Variants in CACNA1E observed in about 807,000 individuals in gnomAD.
CACNA1E encodes voltage-dependent R-type calcium channel subunit alpha-1E.
A neutral mutation model predicts 259.2 loss-of-function variants in CACNA1E; 40 were observed. That is an observed-to-expected ratio of 0.15 (90% confidence interval 0.12 to 0.20). CACNA1E has a LOEUF of 0.20. Ranked by LOEUF, CACNA1E falls within the 10% of genes least tolerant of loss-of-function variation. The pLI, the probability that CACNA1E is intolerant of heterozygous loss-of-function variation, is 1.00. For synonymous variants in CACNA1E, 1,104 were observed against 1,138.5 expected (o/e 0.97, Z 0.61); for missense variants, 1,874 against 3,040.1 (o/e 0.62, Z 9.02).
chr1:181,478,522 A>T (rs1424550587), upstream of CACNA1E, among the ~76,000 whole-genome samples: 2 of 152,220 alleles, frequency 1.3e-5, no homozygotes, highest in Non-Finnish European at 2.9e-5. Flanking sequence ...TCTCTGCATT[A>T]TGTTCCTTAG....
At chr1:181,748,838 A>G (rs1283014100) in intron 25 of CACNA1E, among the ~76,000 whole-genome samples, 2 of 152,188 alleles carry the variant, frequency 1.3e-5, no homozygotes, top group African/African-American at 4.8e-5. Context: ...TCATTTGTTC[A>G]CAACTGTATA....
At chr1:181,540,301 G>A (rs1409198241) in intron 3 of CACNA1E, among the ~76,000 whole-genome samples, 1 of 152,096 alleles carries the variant, frequency 6.6e-6, no homozygotes, top group Non-Finnish European at 1.5e-5. Context: ...ATTCCCCTGT[G>A]TTTACTACCC....
intron 1 of CACNA1E, among the ~76,000 whole-genome samples, chr1:181,408,090 G>T (rs1266470167): frequency 5.3e-5 from 8 of 152,198 alleles, no homozygotes; most frequent in Non-Finnish European, 1.0e-4. Context: ...TAGCCAATGT[G>T]CTTGGTGGTC....
chr1:181,617,387 A>G (rs1244991689), intron 6 of CACNA1E, among the ~76,000 whole-genome samples: 14 of 152,152 alleles, frequency 9.2e-5, no homozygotes. Context: ...GCCAGAAAAT[A>G]TTGAATGAAC....
intron 30 of CACNA1E, among the ~76,000 whole-genome samples, 155 bp from the exon 31 acceptor site, chr1:181,757,792 G>A (rs1298785948): frequency 3.3e-5 from 5 of 152,112 alleles, no homozygotes; most frequent in African/African-American, 9.7e-5. Flanking sequence ...CGCCTTGTCT[G>A]TAGTTTTGTC....
chr1:181,559,171 T>A (rs768588060), intron 3 of CACNA1E, among the ~76,000 whole-genome samples: 1 of 152,172 alleles, frequency 6.6e-6, no homozygotes, highest in Non-Finnish European at 1.5e-5. Context: ...TGGGAAAGGT[T>A]TGGGCTGTTA....
intron 6 of CACNA1E, among the ~76,000 whole-genome samples, chr1:181,588,586 C>G (rs547868125): frequency 4.6e-5 from 7 of 152,318 alleles, no homozygotes; most frequent in Non-Finnish European, 8.8e-5. Context: ...GGGATTTATT[C>G]CAAATGTGCT....
rs150264377 is a variant in CACNA1E, at chr1:181,498,757, G to A, written c.267-11720G>A. Reference sequence around the variant, plus strand: ...AGAGCAGAGCCTAGAACCCAGGGCCGCGACCAAGTGCCAGCATCCTTTTGT... The same window carrying A: ...AGAGCAGAGCCTAGAACCCAGGGCCACGACCAAGTGCCAGCATCCTTTTGT... On this transcript the variant is annotated intron_variant, in intron 1 of 47. Transcript: ENST00000367573. 1.5e-3 allele frequency among the ~76,000 whole-genome samples: 235 copies of A among 152,240 alleles called. 1 individual carries two copies. The highest frequency in any genetic ancestry group is 4.5e-3 in the African/African-American group (185 of 41,536).
At chr1:181,330,774 C>T (rs1030492067) in intron 1 of CACNA1E, among the ~76,000 whole-genome samples, 27 of 152,200 alleles carry the variant, frequency 1.8e-4, no homozygotes, top group African/African-American at 6.5e-4. Context: ...CTAGCTCTCC[C>T]AATTATTAGC....
intron 43 of CACNA1E, among the ~76,000 whole-genome samples, chr1:181,787,144 G>T (rs193208495): frequency 7.9e-5 from 12 of 152,136 alleles, no homozygotes; most frequent in Middle Eastern, 3.4e-3. Context: ...TTTTGAGACG[G>T]AGTCTCGCTC....
intron 6 of CACNA1E, among the ~76,000 whole-genome samples, chr1:181,599,819 T>C (rs1653562263): frequency 6.6e-6 from 1 of 152,244 alleles, no homozygotes; most frequent in Middle Eastern, 3.2e-3. Flanking sequence ...GAGGCAAATT[T>C]GTTGGTATTT....
rs192083378 is a variant in CACNA1E at position 181,747,674 on chromosome 1, G to A, written c.3720-2802G>A. Reference sequence around the variant, plus strand: ...AATATCTGATTATAATTTAGTATCAGAGACTAGCAAAGTGTTATCAAACAG... The same window carrying A: ...AATATCTGATTATAATTTAGTATCAAAGACTAGCAAAGTGTTATCAAACAG... On this transcript the variant is annotated intron_variant, in intron 25 of 47. Transcript: ENST00000367573. Among the ~76,000 whole-genome samples, 5 of 152,278 alleles carry A rather than the reference G, an allele frequency of 3.3e-5. 1 individual carries two copies. Among genetic ancestry groups the A allele is most frequent in the Admixed American group, 3.3e-4 (5 of 15,300 alleles).
chr1:181,775,023 C>A (rs1369075621), intron 37 of CACNA1E, among the ~76,000 whole-genome samples: 1 of 152,232 alleles, frequency 6.6e-6, no homozygotes, highest in African/African-American at 2.4e-5. Flanking sequence ...AGATCTCTGC[C>A]TCCACCTTGC....
At chr1:181,329,507 T>C (rs972790449) in intron 1 of CACNA1E, among the ~76,000 whole-genome samples, 1 of 151,926 alleles carries the variant, frequency 6.6e-6, no homozygotes, top group African/African-American at 2.4e-5. Context: ...TTCCAGCTAC[T>C]CTGGTCTCTT....
chr1:181,516,343 CCACACACACA>C (rs3080529), intron 3 of CACNA1E, among the ~76,000 whole-genome samples: 126 of 143,436 alleles, frequency 8.8e-4, no homozygotes, highest in African/African-American at 1.8e-3. Context: ...GTGCCAAAGA[CCACACACACA>C]CACACACACA....
chr1:181,607,485 T>A (rs1040990390), intron 6 of CACNA1E, among the ~76,000 whole-genome samples: 11 of 152,318 alleles, frequency 7.2e-5, no homozygotes, highest in Non-Finnish European at 1.6e-4. Flanking sequence ...CTGGTCTGTA[T>A]CCTTGCGATC....
At chr1:181,436,000 G>A (rs575497126) in intron 2 of CACNA1E, among the ~76,000 whole-genome samples, 1 of 152,208 alleles carries the variant, frequency 6.6e-6, no homozygotes, top group East Asian at 1.9e-4. Context: ...AAAGATATGA[G>A]GAACTCAAAC....
At chr1:181,566,579 G>A (rs78382112) in intron 3 of CACNA1E, among the ~76,000 whole-genome samples, 4,615 of 152,140 alleles carry the variant, frequency 0.03, 101 homozygotes, top group Non-Finnish European at 0.05. Flanking sequence ...TGTATTCTTC[G>A]TCTGGCATCC....
At position 181,771,521 on chromosome 1, in the gene CACNA1E, A is replaced by T. The variant is rs149993103; in HGVS notation, c.4973+137A>T. On this transcript the variant is annotated intron_variant, in intron 36 of 47. Transcript: ENST00000367573. Reference sequence around the variant, plus strand: ...CTGTCAGTAGAAAGGGGAACAGGCAATGTCTTTGCCAAACTGCCCCTATAA... The same window carrying T: ...CTGTCAGTAGAAAGGGGAACAGGCATTGTCTTTGCCAAACTGCCCCTATAA... 5.8e-4 allele frequency: 366 copies of T among 629,856 alleles called. No individual in the cohort carries two copies. The African/African-American group carries it at 6.3e-3, about 11-fold the overall frequency. 39.0% of individuals were successfully genotyped at this position (629,856 alleles called of 1,614,324 possible). A position where few individuals can be genotyped will look rare whatever the true frequency, so the allele number is the denominator to read the frequency against.
Sources: gnomAD v4.1 joint callset for allele counts (sites outside exome capture counted in the v4.1 genomes callset) on GRCh38, gnomAD v4.1.1 for gene constraint, MANE v1.5 for transcripts, NCBI Gene and HGNC (gene_info 2026-07-23, HGNC 2026-07-21) for gene names.